ROBO1: variants seen among roughly 807,000 people sequenced by gnomAD.
ROBO1 encodes roundabout guidance receptor 1.
In ROBO1, 149 loss-of-function variants were observed where a neutral mutation model predicts 195.9. The ratio of observed to expected loss-of-function variants is 0.76; its 90% CI spans 0.67 to 0.87. The LOEUF is 0.87. ROBO1 is among the 40% of genes least tolerant of loss of function. ROBO1 has a pLI of 0.00. For synonymous variants in ROBO1, 816 were observed against 733.2 expected, an observed-to-expected ratio of 1.11 and a Z score of -1.82; for missense variants, 1,933 against 2,068.3, an observed-to-expected ratio of 0.93 and a Z score of 1.27.
chr3:79,107,454 A>T (rs989895076), intron 3 of ROBO1, among the ~76,000 whole-genome samples: 9 of 151,674 alleles, frequency 5.9e-5, no homozygotes, highest in African/African-American at 2.2e-4. Flanking sequence ...CATATAAATT[A>T]CTTTTTGTAT....
chr3:79,621,910 G>A (rs138462362), intron 1 of ROBO1, among the ~76,000 whole-genome samples: 21 of 152,184 alleles, frequency 1.4e-4, no homozygotes, highest in South Asian at 4.2e-4. Context: ...CCTGGGGAGC[G>A]GGCCAAGATG....
At chr3:79,402,638 A>G (rs1218298265) in intron 2 of ROBO1, among the ~76,000 whole-genome samples, 1 of 151,960 alleles carries the variant, frequency 6.6e-6, no homozygotes, top group Non-Finnish European at 1.5e-5. Context: ...TTTAACAGGT[A>G]AAAACAGAGA....
intron 3 of ROBO1, among the ~76,000 whole-genome samples, chr3:78,964,727 C>T (rs1315473224): frequency 1.4e-5 from 2 of 147,324 alleles, no homozygotes; most frequent in Admixed American, 6.8e-5. Context: ...ATGAAAATTA[C>T]GAAGAAAGAA....
intron 2 of ROBO1, among the ~76,000 whole-genome samples, chr3:79,354,683 G>A (rs538569424): frequency 1.8e-4 from 28 of 152,122 alleles, no homozygotes; most frequent in East Asian, 1.2e-3. Context: ...TTCCTCCTGC[G>A]TCTATTTTGA....
intron 4 of ROBO1, among the ~76,000 whole-genome samples, chr3:78,872,075 T>C (rs2035585098): frequency 1.3e-5 from 2 of 152,216 alleles, no homozygotes; most frequent in Non-Finnish European, 2.9e-5. Context: ...CCTTATTTTA[T>C]TGCAACTATT....
intron 1 of ROBO1, among the ~76,000 whole-genome samples, chr3:79,715,050 C>A (rs531359602): frequency 6.2e-4 from 94 of 152,062 alleles, no homozygotes; most frequent in African/African-American, 2.2e-3. Context: ...TGAATTACTG[C>A]AATCTCATGA....
chr3:78,854,555 G>A (rs187843449), intron 4 of ROBO1, among the ~76,000 whole-genome samples: 1 of 150,730 alleles, frequency 6.6e-6, no homozygotes, highest in Non-Finnish European at 1.5e-5. Flanking sequence ...TGTGTGGCAG[G>A]ATTATTAATA....
intron 4 of ROBO1, among the ~76,000 whole-genome samples, chr3:78,849,090 A>G (rs77679260): frequency 0.017 from 2,659 of 152,240 alleles, 40 homozygotes; most frequent in Non-Finnish European, 0.029. Flanking sequence ...CAAATACAAG[A>G]TGGAATTTCT....
chr3:78,810,655 T>G (rs987037644), intron 4 of ROBO1, among the ~76,000 whole-genome samples: 1 of 152,026 alleles, frequency 6.6e-6, no homozygotes, highest in Non-Finnish European at 1.5e-5. Context: ...TCTATTCTGG[T>G]TCTGATTTAC....
chr3:78,849,007 T>C (rs993806504), intron 4 of ROBO1, among the ~76,000 whole-genome samples: 1 of 152,076 alleles, frequency 6.6e-6, no homozygotes, highest in Admixed American at 6.6e-5. Flanking sequence ...TGGCAGAATG[T>C]TCTGATGGAT....
chr3:79,276,373 C>G (rs1237059072), intron 2 of ROBO1, among the ~76,000 whole-genome samples: 1 of 151,910 alleles, frequency 6.6e-6, no homozygotes, highest in Non-Finnish European at 1.5e-5. Context: ...GGGGAAAGGA[C>G]AGTCTCTTCA....
At chr3:78,673,827 G>A (rs893888900) in intron 10 of ROBO1, among the ~76,000 whole-genome samples, 46 of 151,262 alleles carry the variant, frequency 3.0e-4, no homozygotes, top group African/African-American at 9.9e-4. Context: ...ATTAGTTCAC[G>A]TACAAAAAGT....
intron 3 of ROBO1, among the ~76,000 whole-genome samples, chr3:79,044,813 A>G (rs902605255): frequency 5.0e-4 from 76 of 152,240 alleles, no homozygotes; most frequent in Admixed American, 3.7e-3. Context: ...TAATGGATAC[A>G]TAAGAGTTGT....
chr3:79,018,666 C>T, intron 3 of ROBO1: 1 of 1,392,362 alleles, frequency 7.2e-7, no homozygotes, highest in African/African-American at 1.4e-5. Flanking sequence ...GGAAGAATTC[C>T]AAGGTTTGTC....
intron 3 of ROBO1, among the ~76,000 whole-genome samples, chr3:79,069,215 C>T (rs2079049281): frequency 6.6e-6 from 1 of 151,662 alleles, no homozygotes; most frequent in African/African-American, 2.4e-5. Flanking sequence ...ATAATATTTC[C>T]AGTCCTCAAT....
At chr3:78,680,732 G>C (rs1317741579) in intron 10 of ROBO1, among the ~76,000 whole-genome samples, 115 of 144,406 alleles carry the variant, frequency 8.0e-4, no homozygotes, top group African/African-American at 2.9e-3. Context: ...TCCACTGTTG[G>C]TGGGACTGTA....
chr3:79,575,109 T>C (rs993447870), intron 2 of ROBO1, among the ~76,000 whole-genome samples: 2 of 132,950 alleles, frequency 1.5e-5, no homozygotes, highest in African/African-American at 5.8e-5. Flanking sequence ...AATATATATA[T>C]ATAACAAATA....
At chr3:78,991,450 C>T (rs1433848288) in intron 3 of ROBO1, among the ~76,000 whole-genome samples, 1 of 152,158 alleles carries the variant, frequency 6.6e-6, no homozygotes, top group East Asian at 1.9e-4. Context: ...TGTATAAGGA[C>T]AAATCTTTCA....
chr3:79,765,928 AG>A lies in ROBO1; in HGVS notation c.-51+1823del, dbSNP rs563829695. The stretch of plus-strand genomic sequence containing the variant: ...TGGAAACAGACAACCATCTCTTAAC[AG>A]GCCTCTGTAACACACAGCTTGATGA... On this transcript the variant is annotated intron_variant, in intron 1 of 30. Coordinates refer to ENST00000464233, the MANE Select transcript of ROBO1 (RefSeq NM_002941.4). Among the ~76,000 whole-genome samples, 200 of 152,280 alleles carry A rather than the reference AG, an allele frequency of 1.3e-3. 1 individual carries two copies. Among genetic ancestry groups the A allele is most frequent in the African/African-American group, 4.5e-3 (188 of 41,556 alleles).
Sources: allele counts gnomAD v4.1 joint callset (sites outside exome capture counted in the v4.1 genomes callset), GRCh38; gene constraint gnomAD v4.1.1; transcripts MANE v1.5; gene names NCBI Gene and HGNC (gene_info 2026-07-23, HGNC 2026-07-21).